Variants in VAV3 observed in about 807,000 individuals in gnomAD.
The protein encoded by VAV3 is guanine nucleotide exchange factor VAV3.
In VAV3, 94 loss-of-function variants were observed where a neutral mutation model predicts 131.2. The ratio of observed to expected loss-of-function variants is 0.72; its 90% confidence interval spans 0.61 to 0.85. The LOEUF (loss-of-function observed/expected upper bound fraction) is 0.85, where lower values mean the gene tolerates loss of function less well. Ranked by LOEUF, VAV3 falls within the 40% of genes least tolerant of loss-of-function variation. The pLI, the probability that VAV3 is intolerant of heterozygous loss-of-function variation, is 0.00. For synonymous variants in VAV3, 349 were observed against 342.0 expected, an observed-to-expected ratio of 1.02 and a Z score of -0.22; for missense variants, 939 against 1,002.7, an observed-to-expected ratio of 0.94 and a Z score of 0.86.
intron 2 of VAV3, among the ~76,000 whole-genome samples, chr1:107,845,508 A>G (rs1384530751): frequency 1.3e-5 from 2 of 152,212 alleles, no homozygotes; most frequent in African/African-American, 2.4e-5. Flanking sequence ...CCTGCGAACT[A>G]AAGAAGTATG....
At chr1:107,665,132 G>C (rs1330565201) in intron 19 of VAV3, among the ~76,000 whole-genome samples, 1 of 152,106 alleles carries the variant, frequency 6.6e-6, no homozygotes, top group Non-Finnish European at 1.5e-5. Flanking sequence ...GTCTGGAGGA[G>C]TCAATAAAAG....
chr1:107,692,405 G>C, intron 17 of VAV3, among the ~76,000 whole-genome samples: 1 of 152,152 alleles, frequency 6.6e-6, no homozygotes, highest in South Asian at 2.1e-4. Context: ...GACCCAAATA[G>C]ATGGAAGGAA....
chr1:107,763,169 G>A (rs1464391916), intron 9 of VAV3, among the ~76,000 whole-genome samples: 1 of 152,200 alleles, frequency 6.6e-6, no homozygotes, highest in African/African-American at 2.4e-5. Context: ...CTAAGTATCC[G>A]ACTTAATACT....
At chr1:107,913,472 A>G (rs1218141112) in intron 1 of VAV3, among the ~76,000 whole-genome samples, 1 of 152,254 alleles carries the variant, frequency 6.6e-6, no homozygotes, top group Non-Finnish European at 1.5e-5. Context: ...TTATAATCAG[A>G]TAACTGGAAA....
At chr1:107,655,602 A>G (rs1240601449) in intron 19 of VAV3, among the ~76,000 whole-genome samples, 1 of 152,178 alleles carries the variant, frequency 6.6e-6, no homozygotes, top group East Asian at 1.9e-4. Flanking sequence ...CAAAGGCAAC[A>G]AAAGCAAAAA....
intron 1 of VAV3, among the ~76,000 whole-genome samples, chr1:107,878,033 ATTTAT>A (rs139168819): frequency 0.036 from 5,415 of 152,174 alleles, 119 homozygotes; most frequent in Middle Eastern, 0.11. Flanking sequence ...TTTCCAGTTT[ATTTAT>A]TTTATTTTTT....
At chr1:107,835,755 G>T (rs983742367) in intron 2 of VAV3, among the ~76,000 whole-genome samples, 32 of 152,174 alleles carry the variant, frequency 2.1e-4, no homozygotes, top group African/African-American at 7.5e-4. Context: ...CATCTGCACA[G>T]CCACAGCATC....
intron 1 of VAV3, among the ~76,000 whole-genome samples, chr1:107,913,607 T>C (rs1356583493): frequency 1.3e-5 from 2 of 152,094 alleles, no homozygotes; most frequent in African/African-American, 4.8e-5. Context: ...TTTGAAACAA[T>C]CATGAAATAC....
intron 19 of VAV3, among the ~76,000 whole-genome samples, chr1:107,681,773 C>T (rs1658634436): frequency 6.6e-6 from 1 of 151,648 alleles, no homozygotes; most frequent in Non-Finnish European, 1.5e-5. Flanking sequence ...CCTGCCTCAG[C>T]CTCCCAAGTA....
intron 18 of VAV3, among the ~76,000 whole-genome samples, chr1:107,684,033 G>C (rs535784946): frequency 1.1e-3 from 161 of 152,240 alleles, no homozygotes; most frequent in African/African-American, 3.8e-3. Flanking sequence ...AATGAGAATA[G>C]TGTTTTAATT....
chr1:107,936,259 T>C (rs1462281874), intron 1 of VAV3, among the ~76,000 whole-genome samples: 1 of 152,180 alleles, frequency 6.6e-6, no homozygotes, highest in Non-Finnish European at 1.5e-5. Context: ...TGTAACACTT[T>C]TGAATAGTGG....
At chr1:107,715,233 T>G (rs946690326) in intron 15 of VAV3, among the ~76,000 whole-genome samples, 1 of 152,194 alleles carries the variant, frequency 6.6e-6, no homozygotes, top group South Asian at 2.1e-4. Context: ...GCACTCAAAT[T>G]TGTTCTGAAG....
intron 17 of VAV3, among the ~76,000 whole-genome samples, chr1:107,695,930 A>G (rs1659715277): frequency 1.3e-5 from 2 of 152,170 alleles, no homozygotes; most frequent in African/African-American, 2.4e-5. Context: ...ATTTTGTACA[A>G]CTAGTACCTC....
chr1:107,820,449 G>C (rs1489359823), intron 2 of VAV3, among the ~76,000 whole-genome samples: 1 of 151,952 alleles, frequency 6.6e-6, no homozygotes, highest in Non-Finnish European at 1.5e-5. Context: ...TAGAAGAATG[G>C]TTACTGAGGC....
chr1:107,755,843 C>T (rs186621118), intron 11 of VAV3, among the ~76,000 whole-genome samples: 60 of 152,190 alleles, frequency 3.9e-4, no homozygotes, highest in South Asian at 1.7e-3. Flanking sequence ...ATTCCAAGCA[C>T]GTTAATTACT....
intron 19 of VAV3, among the ~76,000 whole-genome samples, chr1:107,670,637 C>T (rs1355498343): frequency 1.3e-5 from 2 of 152,150 alleles, no homozygotes; most frequent in African/African-American, 2.4e-5. Flanking sequence ...ATCCCAGTAG[C>T]TTCTCTTTAG....
intron 25 of VAV3, among the ~76,000 whole-genome samples, chr1:107,593,555 TG>T (rs1333433207): frequency 6.6e-6 from 1 of 152,064 alleles, no homozygotes; most frequent in Non-Finnish European, 1.5e-5. Context: ...TAATAATGCT[TG>T]GCAAATGTTA....
chr1:107,855,936 G>A (rs1444073780), intron 2 of VAV3, among the ~76,000 whole-genome samples: 1 of 152,184 alleles, frequency 6.6e-6, no homozygotes, highest in Non-Finnish European at 1.5e-5. Context: ...AGAAAACAGT[G>A]CAGTGCTTGA....
chr1:107,717,988 T>G (rs941672047), intron 15 of VAV3, among the ~76,000 whole-genome samples: 2 of 152,182 alleles, frequency 1.3e-5, no homozygotes, highest in African/African-American at 4.8e-5. Context: ...TTTACCATTA[T>G]GTAATGGCCT....
Sources: gnomAD v4.1 joint callset for allele counts (sites outside exome capture counted in the v4.1 genomes callset) on GRCh38, gnomAD v4.1.1 for gene constraint, MANE v1.5 for transcripts, NCBI Gene and HGNC (gene_info 2026-07-23, HGNC 2026-07-21) for gene names.